RPE: variants seen among roughly 807,000 people sequenced by gnomAD.
The protein encoded by RPE is ribulose-5-phosphate-3-epimerase, also known as ribulose-phosphate 3-epimerase.
RPE carries 16 observed loss-of-function variants against 24.6 expected under a neutral mutation model. That is an observed-to-expected ratio of 0.65 (90% CI 0.44 to 0.99). The LOEUF (loss-of-function observed/expected upper bound fraction) is 0.99, where lower values mean the gene tolerates loss of function less well. Ranked by LOEUF, RPE falls within the 50% of genes least tolerant of loss-of-function variation. The probability of loss-of-function intolerance (pLI) is 0.00; values close to 1 mark genes in which losing one functional copy is unlikely to be tolerated. For synonymous variants in RPE, 93 were observed against 98.4 expected (o/e 0.94, Z 0.33); for missense variants, 240 against 294.5 (o/e 0.81, Z 1.35).
chr2:210,008,367 C>T (rs2093658198), intron 1 of RPE, among the ~76,000 whole-genome samples: 1 of 148,270 alleles, frequency 6.7e-6, no homozygotes, highest in Non-Finnish European at 1.5e-5. Context: ...GTGATCTCAG[C>T]TCACTACAGT....
intron 2 of RPE, among the ~76,000 whole-genome samples, chr2:210,011,346 A>G (rs752953399): frequency 1.3e-5 from 2 of 152,116 alleles, no homozygotes; most frequent in Non-Finnish European, 2.9e-5. Context: ...CTCCCACTGT[A>G]CAACCAATGG....
rs763556507 is a variant in RPE, at chr2:210,002,709, G to A, written c.48G>A (p.Leu16=). The part of the protein sequence containing the change: ...KIGPSILNSD[L]ANLGAECLRM... ...GCCCGTCCATCCTCAACAGCGACCT[G>A]GCCAATTTAGGGGCCGAGTGCCTCC... The change falls in exon 1 of 6, where the codon CTG becomes CTA. Residue 16 remains leucine, a synonymous_variant. Transcript: ENST00000359429. The A allele has an allele frequency of 7.4e-5, 119 of 1,614,092 alleles. No homozygotes were observed. Among genetic ancestry groups the A allele is most frequent in the Non-Finnish European group, 9.7e-5 (115 of 1,180,036 alleles).
In RPE at chr2:210,019,868, C is replaced by A; in HGVS notation, c.*77C>A. Reference sequence around the variant, plus strand: ...AACAGGAATATTGACTACCAAATCACAATGCAATTGAAGCCGTACTGCTTT... The same window carrying A: ...AACAGGAATATTGACTACCAAATCAAAATGCAATTGAAGCCGTACTGCTTT... On this transcript the variant is annotated 3_prime_UTR_variant, in exon 6 of 6. Transcript: ENST00000359429. The A allele has an allele frequency of 6.6e-7, 1 of 1,515,674 alleles. No individual in the cohort carries two copies. The highest frequency in any genetic ancestry group is 1.3e-5 in the South Asian group (1 of 79,102). 93.9% of individuals were successfully genotyped at this position (1,515,674 alleles called of 1,614,324 possible).
In RPE at chr2:210,022,175, T is replaced by TTTTG. The variant is rs2093869267; in HGVS notation, c.*2387_*2390dup. On this transcript the variant is annotated 3_prime_UTR_variant, in exon 6 of 6. Transcript: ENST00000359429. ...ATTTGACTCAAATTTGCTTGCTTTA[T>TTTTG]TTTGTTAGGAGTAAACAGAAAGTAG... 1 of 152,074 alleles carries TTTTG rather than the reference T, an allele frequency of 6.6e-6. No homozygotes were observed. Among genetic ancestry groups the TTTTG allele is most frequent in the African/African-American group, 2.4e-5 (1 of 41,424 alleles). 9.4% of individuals were successfully genotyped at this position (152,074 alleles called of 1,614,324 possible).
rs907271642 is a variant in RPE at position 210,018,643 on chromosome 2, T to C, written c.565-1026T>C. ...GATGATGAGTGAGCTCATATCCTTT[T>C]GATCGCTTGTGGAATTGCTTTGTAC... On this transcript the variant is annotated intron_variant, in intron 5 of 5. Transcript: ENST00000359429. 4.1e-6 allele frequency: 4 copies of C among 985,244 alleles called. No individual in the cohort carries two copies. In the Admixed American group the frequency reaches 1.8e-4, roughly 45 times the overall value. The allele number at this position is 985,244 out of a possible 1,614,324, so 61.0% of individuals were successfully genotyped here. A position where few individuals can be genotyped will look rare whatever the true frequency, so the allele number is the denominator to read the frequency against.
intron 1 of RPE, among the ~76,000 whole-genome samples, chr2:210,005,745 A>G (rs1417140432): frequency 6.6e-6 from 1 of 151,822 alleles, no homozygotes; most frequent in African/African-American, 2.4e-5. Context: ...GGTGTACTTC[A>G]TTTGGCCCCT....
intron 2 of RPE, among the ~76,000 whole-genome samples, chr2:210,010,079 G>A (rs1361034889): frequency 2.0e-5 from 3 of 152,124 alleles, no homozygotes; most frequent in South Asian, 4.1e-4. Flanking sequence ...TTTGATCTGC[G>A]ATTACTTTTA....
chr2:210,009,618 T>A, intron 1 of RPE, 39 bp from the exon 2 acceptor site: 1 of 1,612,968 alleles, frequency 6.2e-7, no homozygotes, highest in South Asian at 1.1e-5. Flanking sequence ...AGAAACTGAA[T>A]TGAAAACATT....
chr2:210,007,737 A>C (rs2093648925), intron 1 of RPE, among the ~76,000 whole-genome samples: 1 of 152,076 alleles, frequency 6.6e-6, no homozygotes, highest in Admixed American at 6.5e-5. Flanking sequence ...TGTATGTTTT[A>C]TCTATAATCA....
rs1008864668 is a variant in RPE at position 210,021,263 on chromosome 2, G to A, written c.*1472G>A. 1.3e-5 allele frequency: 2 copies of A among 151,992 alleles called. No homozygotes were observed. The highest frequency in any genetic ancestry group is 4.8e-5 in the African/African-American group (2 of 41,424). 9.4% of individuals were successfully genotyped at this position (151,992 alleles called of 1,614,324 possible). On this transcript the variant is annotated 3_prime_UTR_variant, in exon 6 of 6. Transcript: ENST00000359429. Reference sequence around the variant, plus strand: ...GGCTACTATAAGTTTTGAGAAATAAGGTTCAAAAAATAAGAATGCTAACAC... The same window carrying A: ...GGCTACTATAAGTTTTGAGAAATAAAGTTCAAAAAATAAGAATGCTAACAC...
Position 210,016,128 on chromosome 2 carries a change from G to A in RPE, c.342+16G>A, listed in dbSNP as rs1158232482. On this transcript the variant is annotated intron_variant, in intron 3 of 5. Coordinates refer to ENST00000359429, the MANE Select transcript of RPE (RefSeq NM_199229.3). Reference sequence around the variant, plus strand: ...TGGGATGAAGGTAAGAAATCGTGATGAGAGTGTTTTGTAACATTCACTCTC... The same window carrying A: ...TGGGATGAAGGTAAGAAATCGTGATAAGAGTGTTTTGTAACATTCACTCTC... The A allele has an allele frequency of 3.1e-6, 5 of 1,614,184 alleles. No individual in the cohort carries two copies. The highest frequency in any genetic ancestry group is 2.2e-5 in the East Asian group (1 of 44,888).
chr2:210,011,380 C>G (rs1559478377), intron 2 of RPE, among the ~76,000 whole-genome samples: 1 of 152,100 alleles, frequency 6.6e-6, no homozygotes, highest in Non-Finnish European at 1.5e-5. Flanking sequence ...TTCTGGCTTG[C>G]TTGTGTGAAT....
intron 4 of RPE, among the ~76,000 whole-genome samples, chr2:210,017,107 G>A (rs537713618): frequency 2.8e-4 from 42 of 152,272 alleles, no homozygotes; most frequent in Non-Finnish European, 5.0e-4. Flanking sequence ...GTCTGCCAAA[G>A]TGTTGGGATT....
chr2:210,010,889 G>A (rs911421854), intron 2 of RPE, among the ~76,000 whole-genome samples: 7 of 151,806 alleles, frequency 4.6e-5, no homozygotes, highest in Admixed American at 2.0e-4. Context: ...CTGCACTCCA[G>A]CCTGAGTGAC....
chr2:210,006,562 A>G (rs1353960503), intron 1 of RPE, among the ~76,000 whole-genome samples: 1 of 151,854 alleles, frequency 6.6e-6, no homozygotes, highest in Admixed American at 6.6e-5. Flanking sequence ...GTAAAAGTGT[A>G]TTTTTTTTGG....
Position 210,017,482 on chromosome 2 carries a change from T to C in RPE, c.487T>C (p.Leu163=), listed in dbSNP as rs756097904. The C allele has an allele frequency of 7.5e-6, 12 of 1,608,980 alleles. No homozygotes were observed. The highest frequency in any genetic ancestry group is 1.4e-5 in the African/African-American group (1 of 73,838). ...TCATGTATATATCTAGGTTCACTGGTTGAGGACCCAGTTCCCATCTTTGGA... is the reference window on the plus strand; with the variant it reads ...TCATGTATATATCTAGGTTCACTGGCTGAGGACCCAGTTCCCATCTTTGGA... ...MEDMMPKVHW[L]RTQFPSLDIE... is the part of the protein sequence containing the mutation. Residue 163 remains leucine, a synonymous_variant, in exon 5 of 6, where the codon TTG becomes CTG. Transcript: ENST00000359429.
chr2:210,020,873 T>C lies in RPE; in HGVS notation c.*1082T>C, dbSNP rs2125098466. 1 of 152,770 alleles carries C rather than the reference T, an allele frequency of 6.5e-6. No homozygotes were observed. The highest frequency in any genetic ancestry group is 2.1e-4 in the South Asian group (1 of 4,830). The allele number at this position is 152,770 out of a possible 1,614,324, so 9.5% of individuals were successfully genotyped here. On this transcript the variant is annotated 3_prime_UTR_variant, in exon 6 of 6. Coordinates refer to ENST00000359429, the MANE Select transcript of RPE (RefSeq NM_199229.3). ...GGTACCCTGGAAAGGATCTGGGAAG[T>C]GGTAGAATTTCTGGTCTGTACTTTT...
chr2:210,016,312 C>G, intron 3 of RPE, 195 bp from the exon 4 acceptor site: 1 of 1,596,494 alleles, frequency 6.3e-7, no homozygotes, highest in Non-Finnish European at 8.5e-7. Flanking sequence ...CAGGATTTAA[C>G]TTCTTTGTCA....
At chr2:210,010,568 T>C (rs892350896) in intron 2 of RPE, among the ~76,000 whole-genome samples, 1 of 152,168 alleles carries the variant, frequency 6.6e-6, no homozygotes, top group Non-Finnish European at 1.5e-5. Context: ...TAGCCATAAA[T>C]AGTTTTTTTA....
Sources: gnomAD v4.1 joint callset for allele counts (sites outside exome capture counted in the v4.1 genomes callset) on GRCh38, gnomAD v4.1.1 for gene constraint, MANE v1.5 for transcripts, NCBI Gene and HGNC (gene_info 2026-07-23, HGNC 2026-07-21) for gene names.